KL: variants seen among roughly 807,000 people sequenced by gnomAD.
KL encodes the protein klotho, also known as alpha-klotho.
Under a neutral mutation model 84.2 loss-of-function variants are expected in KL, and 62 were observed. That is an observed-to-expected ratio of 0.74 (90% confidence interval 0.60 to 0.91). KL has a LOEUF of 0.91. Ranked by LOEUF, KL falls within the 40% of genes least tolerant of loss-of-function variation. KL has a pLI of 0.00. For synonymous variants in KL, 528 were observed against 528.0 expected, an observed-to-expected ratio of 1.00 and a Z score of 0.00; for missense variants, 1,261 against 1,305.7, an observed-to-expected ratio of 0.97 and a Z score of 0.53.
At chr13:33,037,712 G>T (rs1019816934) in intron 1 of KL, among the ~76,000 whole-genome samples, 3 of 152,032 alleles carry the variant, frequency 2.0e-5, no homozygotes, top group African/African-American at 7.3e-5. Flanking sequence ...ATTAGTGTCT[G>T]CTTAGTCTCT....
intron 1 of KL, among the ~76,000 whole-genome samples, chr13:33,037,886 A>G (rs750579669): frequency 1.1e-4 from 17 of 152,084 alleles, no homozygotes; most frequent in Non-Finnish European, 2.2e-4. Flanking sequence ...AACCCAGCTC[A>G]CGAATAATAT....
chr13:33,054,793 T>C (rs1054169978), intron 2 of KL, among the ~76,000 whole-genome samples: 1 of 152,198 alleles, frequency 6.6e-6, no homozygotes, highest in Non-Finnish European at 1.5e-5. Context: ...ATATCTATTA[T>C]AAATAAGGAA....
At chr13:33,031,932 A>G (rs1337914315) in intron 1 of KL, among the ~76,000 whole-genome samples, 1 of 151,180 alleles carries the variant, frequency 6.6e-6, no homozygotes, top group South Asian at 2.1e-4. Flanking sequence ...TTTTTTTTGT[A>G]TTTTGGGGCA....
At chr13:33,025,196 A>G (rs1870724783) in intron 1 of KL, among the ~76,000 whole-genome samples, 1 of 152,166 alleles carries the variant, frequency 6.6e-6, no homozygotes, top group Non-Finnish European at 1.5e-5. Context: ...GAAAGGAGAG[A>G]TAGGTTAGCG....
rs188604979 is a variant in KL at position 33,038,839 on chromosome 13, A to C, written c.820-14928A>C. ...TAAACAAGCAGAGCAGACATCATCA[A>C]CTTAGAAAAACAATATAGTAAATAA... is the stretch of plus-strand genomic sequence containing the variant. On this transcript the variant is annotated intron_variant, in intron 1 of 4. Transcript: ENST00000380099. 1.5e-4 allele frequency among the ~76,000 whole-genome samples: 23 copies of C among 152,344 alleles called. No homozygotes were observed. The East Asian group carries it at 3.5e-3, about 23-fold the overall frequency.
At chr13:33,030,209 G>T (rs750726842) in intron 1 of KL, among the ~76,000 whole-genome samples, 2 of 152,108 alleles carry the variant, frequency 1.3e-5, no homozygotes, top group Non-Finnish European at 2.9e-5. Flanking sequence ...CCTCTTAAAG[G>T]TCTCGCTTAA....
intron 1 of KL, among the ~76,000 whole-genome samples, chr13:33,045,554 C>T (rs1415424631): frequency 2.0e-5 from 3 of 152,146 alleles, no homozygotes; most frequent in South Asian, 4.1e-4. Context: ...GATCTCGGCT[C>T]ATCACAACCT....
In KL at chr13:33,061,137, G is replaced by T. The variant is rs769798531; in HGVS notation, c.2058G>T (p.Thr686=). ...ELGHHVKLWI[T]MNEPYTRNMT... ...GCCATCACGTCAAGCTTTGGATAAC[G>T]ATGAATGAGCCGTATACAAGGAATA... Residue 686 remains threonine, a synonymous_variant, in exon 4 of 5, where the codon ACG becomes ACT. Transcript: ENST00000380099. 19 of 1,614,218 alleles carry T rather than the reference G, an allele frequency of 1.2e-5. No homozygotes were observed. The highest frequency in any genetic ancestry group is 1.6e-5 in the Non-Finnish European group (19 of 1,180,024).
intron 1 of KL, among the ~76,000 whole-genome samples, chr13:33,040,258 T>C (rs1167261982): frequency 6.6e-6 from 1 of 152,228 alleles, no homozygotes; most frequent in African/African-American, 2.4e-5. Context: ...AGAAATAATT[T>C]GGTCTGCGAG....
At chr13:33,036,076 C>T in intron 1 of KL, among the ~76,000 whole-genome samples, 1 of 152,134 alleles carries the variant, frequency 6.6e-6, no homozygotes, top group Non-Finnish European at 1.5e-5. Context: ...CTACCCTGAC[C>T]TTTGTCTTGC....
At position 33,061,548 on chromosome 13, in the gene KL, A is replaced by G; in HGVS notation, c.2469A>G (p.Lys823=). The stretch of plus-strand genomic sequence containing the variant: ...ACTCAGAAAAAGAAGATCCAATAAA[A>G]TACAATGATTACCTAGAAGTGCAAG... ...LVDSEKEDPI[K]YNDYLEVQEM... is the part of the protein sequence containing the mutation. Residue 823 remains lysine (K), a synonymous_variant, in exon 4 of 5, where the codon AAA becomes AAG. Coordinates refer to ENST00000380099, the MANE Select transcript of KL (RefSeq NM_004795.4). 6.2e-7 allele frequency: 1 copy of G among 1,614,214 alleles called. No individual in the cohort carries two copies. The highest frequency in any genetic ancestry group is 8.5e-7 in the Non-Finnish European group (1 of 1,180,044).
Position 33,064,076 on chromosome 13 carries a change from C to T in KL, c.2929C>T (p.His977Tyr), listed in dbSNP as rs773928954. Reference sequence around the variant, plus strand: ...CGTGTGTACTGAGTGCAGTTTTTTTCACACCCGAAAGTCTTTACTGGCTTT... The same window carrying T: ...CGTGTGTACTGAGTGCAGTTTTTTTTACACCCGAAAGTCTTTACTGGCTTT... ...FTVCTECSFF[H>Y]TRKSLLAFIA... Residue 977 changes from histidine to tyrosine, a missense_variant, in exon 5 of 5, where the codon CAC becomes TAC. His to Tyr is a moderately conservative substitution (Grantham distance 83, BLOSUM62 2). Transcript: ENST00000380099. 5 of 1,614,072 alleles carry T rather than the reference C, an allele frequency of 3.1e-6. No individual in the cohort carries two copies. In the Admixed American group the frequency reaches 8.3e-5, roughly 27 times the overall value.
At chr13:33,063,229 C>T (rs1872275994) in intron 4 of KL, among the ~76,000 whole-genome samples, 1 of 149,886 alleles carries the variant, frequency 6.7e-6, no homozygotes, top group Admixed American at 6.7e-5. Flanking sequence ...TACAATGGGA[C>T]AACCTTCAGC....
rs1245102028 is a variant in KL at position 33,017,215 on chromosome 13, G to A, written c.775G>A (p.Gly259Ser). The A allele has an allele frequency of 6.3e-7, 1 of 1,592,932 alleles. No individual in the cohort carries two copies. The highest frequency in any genetic ancestry group is 2.2e-5 in the East Asian group (1 of 44,696). The part of the protein sequence containing the change: ...ATGRLAPGIR[G>S]SPRLGYLVAH... ...CGGGCGCCTGGCCCCCGGCATCCGG[G>A]GCAGCCCGCGGCTCGGGTACCTGGT... The change falls in exon 1 of 5, where the codon GGC (glycine) becomes AGC (serine). Residue 259 changes from glycine (G) to serine (S), a missense_variant. By Grantham distance (56) the Gly-to-Ser change is moderately conservative (BLOSUM62 0). Coordinates refer to ENST00000380099, the MANE Select transcript of KL (RefSeq NM_004795.4).
chr13:33,047,015 A>G (rs986040044), intron 1 of KL, among the ~76,000 whole-genome samples: 1 of 152,146 alleles, frequency 6.6e-6, no homozygotes, highest in South Asian at 2.1e-4. Flanking sequence ...AATACTTTTT[A>G]TGATCTCAAC....
intron 1 of KL, among the ~76,000 whole-genome samples, chr13:33,041,046 C>G (rs139231265): frequency 6.4e-4 from 98 of 152,228 alleles, no homozygotes; most frequent in African/African-American, 2.0e-3. Flanking sequence ...TAACTGGTAT[C>G]CTTGCTCCCA....
At chr13:33,038,267 G>C (rs1370897736) in intron 1 of KL, among the ~76,000 whole-genome samples, 1 of 152,190 alleles carries the variant, frequency 6.6e-6, no homozygotes, top group African/African-American at 2.4e-5. Context: ...TATTAATCCT[G>C]TAGCCTAATT....
At chr13:33,044,739 C>A (rs1445564009) in intron 1 of KL, among the ~76,000 whole-genome samples, 3 of 132,758 alleles carry the variant, frequency 2.3e-5, no homozygotes, top group African/African-American at 5.5e-5. Flanking sequence ...CAGACTTGAA[C>A]TCCTGGGCTG....
At chr13:33,032,307 C>A (rs1048409091) in intron 1 of KL, among the ~76,000 whole-genome samples, 3 of 152,180 alleles carry the variant, frequency 2.0e-5, no homozygotes, top group Non-Finnish European at 2.9e-5. Flanking sequence ...CTTTAAATAA[C>A]CATTTTATTT....
Sources: gnomAD v4.1 joint callset for allele counts (sites outside exome capture counted in the v4.1 genomes callset) on GRCh38, gnomAD v4.1.1 for gene constraint, MANE v1.5 for transcripts, NCBI Gene and HGNC (gene_info 2026-07-23, HGNC 2026-07-21) for gene names.